The following CYP39A1 variants were observed in gnomAD, a reference collection of about 807,000 sequenced individuals.
CYP39A1 encodes the protein 24-hydroxycholesterol 7-alpha-hydroxylase.
CYP39A1 carries 49 observed loss-of-function variants against 58.1 expected under a neutral mutation model. The ratio of observed to expected loss-of-function variants is 0.84; its 90% CI spans 0.67 to 1.07. The LOEUF is 1.07. Among genes scored for constraint, CYP39A1 ranks in the 50% least tolerant of loss-of-function variants. The probability of loss-of-function intolerance (pLI) is 0.00; values close to 1 mark genes in which losing one functional copy is unlikely to be tolerated. For synonymous variants in CYP39A1, 209 were observed against 187.6 expected (o/e 1.11, Z -0.93); for missense variants, 531 against 539.4 (o/e 0.98, Z 0.16).
At chr6:46,572,667 G>C (rs1355898964) in intron 10 of CYP39A1, among the ~76,000 whole-genome samples, 6 of 152,064 alleles carry the variant, frequency 3.9e-5, no homozygotes, top group Admixed American at 2.0e-4. Context: ...AACATGTTTG[G>C]AGACATTTGA....
At chr6:46,574,564 C>G (rs1355641125) in intron 10 of CYP39A1, among the ~76,000 whole-genome samples, 2 of 152,094 alleles carry the variant, frequency 1.3e-5, no homozygotes. Flanking sequence ...AATGAAATTT[C>G]TTTTGAACAT....
chr6:46,571,639 T>C (rs973178132), intron 10 of CYP39A1, among the ~76,000 whole-genome samples: 1 of 151,870 alleles, frequency 6.6e-6, no homozygotes, highest in African/African-American at 2.4e-5. Flanking sequence ...AGGCAATATA[T>C]AGCTGGGTAT....
Position 46,650,111 on chromosome 6 carries a change from T to TACACACACACAC in CYP39A1, c.177+2283_177+2294dup, listed in dbSNP as rs3085603. On this transcript the variant is annotated intron_variant, in intron 1 of 11. Transcript: ENST00000275016. ...TGGATGTTAAGACAATTACTACATT[T>TACACACACACAC]ACACACACACACACACACACACACA... 9.5e-3 allele frequency among the ~76,000 whole-genome samples: 1,403 copies of TACACACACACAC among 147,014 alleles called. 16 individuals are homozygous for TACACACACACAC. The highest frequency in any genetic ancestry group is 0.014 in the Middle Eastern group (4 of 288).
At chr6:46,651,129 T>A (rs1213655595) in intron 1 of CYP39A1, among the ~76,000 whole-genome samples, 2 of 152,246 alleles carry the variant, frequency 1.3e-5, no homozygotes. Context: ...ATAAACAATT[T>A]AAGTGTGCAT....
intron 11 of CYP39A1, among the ~76,000 whole-genome samples, chr6:46,550,886 T>A (rs1198248166): frequency 6.6e-6 from 1 of 152,120 alleles, no homozygotes; most frequent in African/African-American, 2.4e-5. Context: ...TGACTTTCCA[T>A]AAAGATATAT....
chr6:46,566,516 C>T (rs898645664), intron 10 of CYP39A1, among the ~76,000 whole-genome samples: 1 of 152,096 alleles, frequency 6.6e-6, no homozygotes, highest in South Asian at 2.1e-4. Context: ...CACTCACTAT[C>T]ATGAGAACAG....
intron 9 of CYP39A1, 64 bp downstream of exon 9, chr6:46,587,970 T>C (rs1409119594): frequency 5.1e-6 from 5 of 977,834 alleles, no homozygotes; most frequent in South Asian, 1.8e-5. Flanking sequence ...TTTCTGAATT[T>C]ACCCTTCTGA....
chr6:46,553,404 A>G (rs1369116027), intron 11 of CYP39A1, among the ~76,000 whole-genome samples: 3 of 152,240 alleles, frequency 2.0e-5, no homozygotes, highest in South Asian at 2.1e-4. Context: ...CATTAAAAAC[A>G]ATAGTTCACA....
chr6:46,608,818 T>C (rs1274516280), intron 7 of CYP39A1, among the ~76,000 whole-genome samples: 1 of 151,930 alleles, frequency 6.6e-6, no homozygotes, highest in Admixed American at 6.6e-5. Flanking sequence ...TTCACTATAT[T>C]GGCCAGGCTG....
Position 46,637,822 on chromosome 6 carries a change from CT to C in CYP39A1, c.638+6del, listed in dbSNP as rs745939961. On this transcript the variant is annotated splice_donor_region_variant and intron_variant, in intron 4 of 11. Coordinates refer to ENST00000275016, the MANE Select transcript of CYP39A1 (RefSeq NM_016593.5). ...TCAATGAATTAATTATAGGAAACAACTGTTACCTTAGAAGACACTCTGGCAA... is the reference window on the plus strand; with the variant it reads ...TCAATGAATTAATTATAGGAAACAACGTTACCTTAGAAGACACTCTGGCAA... 1 of 1,609,656 alleles carries C rather than the reference CT, an allele frequency of 6.2e-7. No individual in the cohort carries two copies. The highest frequency in any genetic ancestry group is 1.1e-5 in the South Asian group (1 of 90,012).
chr6:46,588,938 C>A (rs769136532), intron 8 of CYP39A1, among the ~76,000 whole-genome samples: 7 of 152,096 alleles, frequency 4.6e-5, no homozygotes, highest in Non-Finnish European at 7.3e-5. Context: ...CCTATCATCA[C>A]CATGTTCAGG....
intron 10 of CYP39A1, among the ~76,000 whole-genome samples, chr6:46,567,517 T>C (rs1019828553): frequency 3.9e-5 from 6 of 152,050 alleles, no homozygotes; most frequent in Non-Finnish European, 7.4e-5. Flanking sequence ...ATATGGCAAT[T>C]TTTTTTAAAT....
intron 7 of CYP39A1, among the ~76,000 whole-genome samples, chr6:46,597,587 G>A (rs1311563499): frequency 6.6e-6 from 1 of 152,086 alleles, no homozygotes; most frequent in East Asian, 1.9e-4. Context: ...AACATAGGGA[G>A]GTGAATGGGT....
intron 3 of CYP39A1, 73 bp from the exon 4 acceptor site, chr6:46,638,051 C>T (rs568523296): frequency 1.4e-6 from 2 of 1,442,920 alleles, no homozygotes; most frequent in East Asian, 4.7e-5. Context: ...CAAAGCAAGG[C>T]ATTATTTCAT....
intron 7 of CYP39A1, among the ~76,000 whole-genome samples, chr6:46,619,806 T>C (rs1016886254): frequency 3.3e-5 from 5 of 152,308 alleles, no homozygotes; most frequent in African/African-American, 1.2e-4. Context: ...TTTACTCATC[T>C]TCATAGCTCT....
At chr6:46,612,524 T>C (rs1169209119) in intron 7 of CYP39A1, among the ~76,000 whole-genome samples, 3 of 152,322 alleles carry the variant, frequency 2.0e-5, no homozygotes, top group Non-Finnish European at 4.4e-5. Context: ...AGAAGTAGTT[T>C]GTAAGAAGCT....
intron 9 of CYP39A1, 27 bp from the exon 10 acceptor site, chr6:46,587,192 C>T: frequency 7.0e-7 from 1 of 1,433,430 alleles, no homozygotes. Flanking sequence ...TTTTTTTTTC[C>T]AAATCAGCCT....
Position 46,550,278 on chromosome 6 carries a change from G to C in CYP39A1, c.*88C>G. 2.0e-6 allele frequency: 2 copies of C among 1,024,086 alleles called. No individual in the cohort carries two copies. The highest frequency in any genetic ancestry group is 2.9e-6 in the Non-Finnish European group (2 of 681,474). 63.4% of individuals were successfully genotyped at this position (1,024,086 alleles called of 1,614,324 possible). A position where few individuals can be genotyped will look rare whatever the true frequency, so the allele number is the denominator to read the frequency against. On this transcript the variant is annotated 3_prime_UTR_variant, in exon 12 of 12. Transcript: ENST00000275016. ...GTCCTAAAACAAAGTGAAGCAGTGT[G>C]TTTTTGTAGAGCTCAGGTCTAGGTG...
intron 2 of CYP39A1, 63 bp from the exon 3 acceptor site, chr6:46,639,731 A>C (rs1227744728): frequency 1.4e-6 from 2 of 1,382,006 alleles, no homozygotes; most frequent in African/African-American, 1.5e-5. Context: ...CAGTCAATAT[A>C]TATCTACTAT....
Sources: gnomAD v4.1 joint callset for allele counts (sites outside exome capture counted in the v4.1 genomes callset) on GRCh38, gnomAD v4.1.1 for gene constraint, MANE v1.5 for transcripts, NCBI Gene and HGNC (gene_info 2026-07-23, HGNC 2026-07-21) for gene names.